PWWP3A: variants seen among roughly 807,000 people sequenced by gnomAD.
PWWP3A encodes the protein PWWP domain-containing DNA repair factor 3A.
PWWP3A carries 53 observed loss-of-function variants against 79.0 expected under a neutral mutation model. That is an observed-to-expected ratio of 0.67 (90% CI 0.54 to 0.84). The LOEUF (loss-of-function observed/expected upper bound fraction) is 0.84, where lower values mean the gene tolerates loss of function less well. Ranked by LOEUF, PWWP3A falls within the 40% of genes least tolerant of loss-of-function variation. The pLI is 0.00. For missense variants in PWWP3A, 973 were observed against 948.0 expected (o/e 1.03, Z -0.35); for synonymous variants, 443 against 394.4 (o/e 1.12, Z -1.46).
chr19:1,375,423 T>A (rs2082344616), intron 13 of PWWP3A, among the ~76,000 whole-genome samples: 1 of 85,788 alleles, frequency 1.2e-5, no homozygotes, highest in Non-Finnish European at 2.3e-5. Context: ...ATTATATATA[T>A]AAAATATATA....
chr19:1,356,875 G>A (rs893224552), intron 2 of PWWP3A, 134 bp from the exon 3 acceptor site: 5 of 685,876 alleles, frequency 7.3e-6, no homozygotes, highest in East Asian at 2.7e-5. Context: ...GAAACAATGG[G>A]GATTGGACCA....
chr19:1,356,012 CGAGG>C (rs1447874510), intron 1 of PWWP3A, among the ~76,000 whole-genome samples: 11 of 152,062 alleles, frequency 7.2e-5, no homozygotes, highest in African/African-American at 2.4e-4. Context: ...CCTCTCCTGC[CGAGG>C]TCGGAGGCAG....
chr19:1,356,667 A>AG (rs1568923920), intron 2 of PWWP3A, among the ~76,000 whole-genome samples: 1 of 151,938 alleles, frequency 6.6e-6, no homozygotes, highest in Non-Finnish European at 1.5e-5. Flanking sequence ...AAAAAAAAAA[A>AG]AAGAATCAGC....
Position 1,359,971 on chromosome 19 carries a change from C to T in PWWP3A, c.215-165C>T, listed in dbSNP as rs997574699. ...AATAGCTGTCGTTCTGTAGCCTCGT[C>T]TCCTTTTTGGGAAAATGTAGGTGAG... On this transcript the variant is annotated intron_variant, in intron 4 of 13. Transcript: ENST00000591337. 1.2e-5 allele frequency: 8 copies of T among 680,014 alleles called. No homozygotes were observed. In the African/African-American group the frequency reaches 1.3e-4, roughly 11 times the overall value. 42.1% of individuals were successfully genotyped at this position (680,014 alleles called of 1,614,324 possible).
intron 5 of PWWP3A, chr19:1,361,921 A>G: frequency 4.0e-6 from 1 of 250,088 alleles, no homozygotes; most frequent in Non-Finnish European, 7.9e-6. Context: ...TCAGATGTGA[A>G]GGGACAGCCA....
chr19:1,356,240 G>A (rs1362656836), intron 1 of PWWP3A, 84 bp from the exon 2 acceptor site: 7 of 729,266 alleles, frequency 9.6e-6, no homozygotes, highest in Non-Finnish European at 1.7e-5. Flanking sequence ...GCTAAGTCGA[G>A]CTAACCTTTG....
At chr19:1,362,470 T>C (rs1184276441) in intron 6 of PWWP3A, 119 bp downstream of exon 6, 4 of 729,930 alleles carry the variant, frequency 5.5e-6, no homozygotes, top group Middle Eastern at 3.9e-4. Context: ...TTCATTTCTC[T>C]CCCACTGAAC....
rs1350699607 is a variant in PWWP3A, at chr19:1,376,291, G to GT, written c.2076-225dup. 3.3e-3 allele frequency among the ~76,000 whole-genome samples: 167 copies of GT among 50,822 alleles called. 6 individuals carry two copies. Among genetic ancestry groups the GT allele is most frequent in the African/African-American group, 5.6e-3 (75 of 13,470 alleles). 33.3% of individuals were successfully genotyped at this position (50,822 alleles called of 152,430 possible). Reference sequence around the variant, plus strand: ...CAGACATGCGCCACCACGCCCGGCTGTTTGTTTTTTTTTTTGTTTGTTTTT... The same window carrying GT: ...CAGACATGCGCCACCACGCCCGGCTGTTTTGTTTTTTTTTTTGTTTGTTTTT... On this transcript the variant is annotated intron_variant, in intron 13 of 13. Transcript: ENST00000591337.
Position 1,369,452 on chromosome 19 carries a change from C to T in PWWP3A, c.1498+112C>T. The T allele has an allele frequency of 6.7e-7, 1 of 1,482,158 alleles. No individual in the cohort carries two copies. The highest frequency in any genetic ancestry group is 1.4e-5 in the African/African-American group (1 of 72,166). The allele number at this position is 1,482,158 out of a possible 1,614,324, so 91.8% of individuals were successfully genotyped here. On this transcript the variant is annotated intron_variant, in intron 10 of 13. Transcript: ENST00000591337. The surrounding 1 kb of genome is among the most constrained non-coding windows in gnomAD (Gnocchi z 4.0). The stretch of plus-strand genomic sequence containing the variant: ...TGGAGGCGGGGCATATTTCCGTGGG[C>T]CTGGGGCATTCCCTGTGGGTGGGCT...
At chr19:1,371,323 C>T (rs944405748) in intron 12 of PWWP3A, 1 of 708,030 alleles carries the variant, frequency 1.4e-6, no homozygotes, top group Non-Finnish European at 2.6e-6. Flanking sequence ...TGCTTAGAAG[C>T]TGTCAGCACC....
chr19:1,362,300 C>T lies in PWWP3A; in HGVS notation c.1162C>T (p.Leu388=). The T allele has an allele frequency of 6.2e-7, 1 of 1,614,136 alleles. No homozygotes were observed. The highest frequency in any genetic ancestry group is 8.5e-7 in the Non-Finnish European group (1 of 1,180,018). ...GGGGTCTAATTCCATGCGTTCTATC[C>T]TGGAGGAAGACGAGGAAGACGAGGA... ...SMGSNSMRSI[L]EEDEEDEEPP... is the part of the protein sequence containing the mutation. Residue 388 remains leucine, a synonymous_variant, in exon 6 of 14, where the codon CTG becomes TTG. Transcript: ENST00000591337.
rs997244997 is a variant in PWWP3A at position 1,357,896 on chromosome 19, A to ACT, written c.144-496_144-495dup. ...TTCCTTGTGGAGCTCCCCCTGCCCC[A>ACT]CTCCCTCCTGCCTGCATCTTCAGAG... is the stretch of plus-strand genomic sequence containing the variant. On this transcript the variant is annotated intron_variant, in intron 3 of 13. Transcript: ENST00000591337. The ACT allele has an allele frequency of 8.2e-5, 13 of 159,166 alleles. 1 individual carries two copies. Among genetic ancestry groups the ACT allele is most frequent in the Admixed American group, 7.6e-4 (12 of 15,720 alleles). 9.9% of individuals were successfully genotyped at this position (159,166 alleles called of 1,614,324 possible).
At chr19:1,361,648 A>G (rs1568935169) in intron 5 of PWWP3A, among the ~76,000 whole-genome samples, 1 of 152,194 alleles carries the variant, frequency 6.6e-6, no homozygotes, top group Non-Finnish European at 1.5e-5. Context: ...CTGTACTCTG[A>G]ACTTCTTTCC....
chr19:1,367,111 T>C, intron 8 of PWWP3A, 49 bp from the exon 9 acceptor site: 5 of 1,479,424 alleles, frequency 3.4e-6, no homozygotes, highest in Non-Finnish European at 4.7e-6. Flanking sequence ...GTTTTTAGCT[T>C]ATTAGAGGAA....
At chr19:1,370,416 G>A (rs2082226387) in intron 11 of PWWP3A, among the ~76,000 whole-genome samples, 1 of 152,170 alleles carries the variant, frequency 6.6e-6, no homozygotes, top group African/African-American at 2.4e-5. Flanking sequence ...TCTGCTATAA[G>A]GGTTAAACCT....
rs148057930 is a variant in PWWP3A at position 1,371,075 on chromosome 19, C to G, written c.1983C>G (p.Pro661=). ...RIRFILDVLL[P]EAIICAISAV... ...GGTTCATTCTGGACGTGCTTCTGCC[C>G]GAGGTGAGCCGCGGACCGGCGTGTC... Residue 661 remains proline, a synonymous_variant, in exon 12 of 14, where the codon CCC becomes CCG. Transcript: ENST00000591337. The G allele has an allele frequency of 2.1e-4, 330 of 1,558,968 alleles. No individual in the cohort carries two copies. Among genetic ancestry groups the G allele is most frequent in the Non-Finnish European group, 2.7e-4 (310 of 1,151,100 alleles).
chr19:1,358,470 A>C lies in PWWP3A; in HGVS notation c.214+6A>C. The C allele has an allele frequency of 6.2e-7, 1 of 1,613,756 alleles. No individual in the cohort carries two copies. The highest frequency in any genetic ancestry group is 1.6e-4 in the Middle Eastern group (1 of 6,062). ...AGCCATTGCTTCCTCGTTAGGTAAG[A>C]GCGTATTTTTAAGTGGCCACTAGGT... is the stretch of plus-strand genomic sequence containing the variant. On this transcript the variant is annotated splice_donor_region_variant and intron_variant, in intron 4 of 13. Coordinates refer to ENST00000591337, the MANE Select transcript of PWWP3A (RefSeq NM_001369789.1).
chr19:1,357,399 CTT>C (rs66856576), intron 3 of PWWP3A: 98 of 128,000 alleles, frequency 7.7e-4, no homozygotes, highest in South Asian at 1.5e-3. Flanking sequence ...GGGATATTTC[CTT>C]TTTTTTTTTT....
intron 6 of PWWP3A, among the ~76,000 whole-genome samples, chr19:1,363,800 C>G (rs1317304176): frequency 1.3e-5 from 2 of 152,194 alleles, no homozygotes; most frequent in Non-Finnish European, 2.9e-5. Context: ...GTGGGCCTCC[C>G]TTTTTCTCTG....
Sources: gnomAD v4.1 joint callset for allele counts (sites outside exome capture counted in the v4.1 genomes callset) on GRCh38, gnomAD v4.1.1 for gene constraint, Gnocchi (gnomAD v3.1) non-coding constraint, MANE v1.5 for transcripts, NCBI Gene and HGNC (gene_info 2026-07-23, HGNC 2026-07-21) for gene names.